Variants in SGMS1 observed in about 807,000 individuals in gnomAD.
The protein encoded by SGMS1 is phosphatidylcholine:ceramide cholinephosphotransferase 1.
Under a neutral mutation model 46.2 loss-of-function variants are expected in SGMS1, and 13 were observed. That is an observed-to-expected ratio of 0.28 (90% CI 0.18 to 0.45). The LOEUF (loss-of-function observed/expected upper bound fraction) is 0.45. SGMS1 is among the 20% of genes least tolerant of loss of function. The pLI is 1.00. For synonymous variants in SGMS1, 203 were observed against 187.8 expected (o/e 1.08, Z -0.66); for missense variants, 324 against 519.9 (o/e 0.62, Z 3.66).
chr10:50,545,345 G>A (rs1398136756), intron 2 of SGMS1, among the ~76,000 whole-genome samples: 1 of 152,190 alleles, frequency 6.6e-6, no homozygotes, highest in Non-Finnish European at 1.5e-5. Context: ...CCAAGGCATT[G>A]GAAAGTAGTC....
chr10:50,318,833 T>A (rs1287049638), intron 8 of SGMS1, among the ~76,000 whole-genome samples: 1 of 152,170 alleles, frequency 6.6e-6, no homozygotes. Context: ...ACTCATCAAT[T>A]CCTATACTAG....
At chr10:50,395,188 G>A (rs1256177837) in intron 6 of SGMS1, among the ~76,000 whole-genome samples, 1 of 152,090 alleles carries the variant, frequency 6.6e-6, no homozygotes, top group Non-Finnish European at 1.5e-5. Context: ...ACACCTTCAT[G>A]GTCGCTGTTA....
chr10:50,326,785 C>G (rs1847539116), intron 8 of SGMS1, among the ~76,000 whole-genome samples: 1 of 152,100 alleles, frequency 6.6e-6, no homozygotes, highest in African/African-American at 2.4e-5. Flanking sequence ...TGGTTGAGGA[C>G]TGCAAGGAAA....
At chr10:50,543,831 C>T (rs1838076697) in intron 2 of SGMS1, among the ~76,000 whole-genome samples, 1 of 152,074 alleles carries the variant, frequency 6.6e-6, no homozygotes, top group Admixed American at 6.6e-5. Context: ...CAAATGTCTT[C>T]TATGTTTAGA....
At chr10:50,466,869 A>C (rs958786103) in intron 4 of SGMS1, 21 bp downstream of exon 4, 1 of 152,238 alleles carries the variant, frequency 6.6e-6, no homozygotes, top group African/African-American at 2.4e-5. Context: ...TAAAAGGTAA[A>C]TAATTTAAAA....
At chr10:50,565,842 C>T (rs1001514957) in intron 2 of SGMS1, among the ~76,000 whole-genome samples, 15 of 152,142 alleles carry the variant, frequency 9.9e-5, no homozygotes, top group Admixed American at 1.3e-4. Context: ...AGTGTGTGCC[C>T]GTGACGATCA....
chr10:50,588,421 G>A (rs1202367746), intron 2 of SGMS1, among the ~76,000 whole-genome samples: 1 of 152,182 alleles, frequency 6.6e-6, no homozygotes, highest in African/African-American at 2.4e-5. Flanking sequence ...CAGAACAGTC[G>A]ACAGCCATCT....
intron 2 of SGMS1, among the ~76,000 whole-genome samples, chr10:50,570,211 A>G (rs557022687): frequency 5.9e-5 from 9 of 152,314 alleles, no homozygotes; most frequent in East Asian, 1.9e-4. Context: ...TACTTGCAGA[A>G]AAAGCCACAC....
chr10:50,427,909 A>G (rs1326215242), intron 6 of SGMS1, among the ~76,000 whole-genome samples: 1 of 152,156 alleles, frequency 6.6e-6, no homozygotes, highest in Non-Finnish European at 1.5e-5. Context: ...GAAAGACAGC[A>G]GTGGAACAGT....
Position 50,334,001 on chromosome 10 carries a change from C to A in SGMS1, c.624-6679G>T, listed in dbSNP as rs1015553530. ...ATTGTATGAGGAATTTAAGTACTAG[C>A]CTGGAGCCAGAGAGTAAGTCAATGA... On this transcript the variant is annotated intron_variant, in intron 7 of 10. Coordinates refer to ENST00000361781, the MANE Select transcript of SGMS1 (RefSeq NM_147156.4). Among the ~76,000 whole-genome samples, 110 of 152,298 alleles carry A rather than the reference C, an allele frequency of 7.2e-4. 1 individual carries two copies. The highest frequency in any genetic ancestry group is 1.2e-4 in the Non-Finnish European group (8 of 68,024).
At chr10:50,446,527 C>A (rs1837016791) in intron 5 of SGMS1, among the ~76,000 whole-genome samples, 1 of 152,076 alleles carries the variant, frequency 6.6e-6, no homozygotes, top group Non-Finnish European at 1.5e-5. Context: ...AACTGTAGAC[C>A]ATCCAAATGT....
At chr10:50,531,512 C>A (rs906904678) in intron 2 of SGMS1, among the ~76,000 whole-genome samples, 23 of 152,212 alleles carry the variant, frequency 1.5e-4, no homozygotes, top group Non-Finnish European at 1.9e-4. Context: ...GGTCTGTTAG[C>A]ATGGTTAGTA....
chr10:50,438,039 G>A (rs1402289911), intron 5 of SGMS1, among the ~76,000 whole-genome samples: 1 of 152,172 alleles, frequency 6.6e-6, no homozygotes, highest in Admixed American at 6.5e-5. Flanking sequence ...AGGTCAGAAG[G>A]AAGGAAAAAA....
chr10:50,555,713 A>T (rs1179963718), intron 2 of SGMS1, among the ~76,000 whole-genome samples: 1 of 152,202 alleles, frequency 6.6e-6, no homozygotes, highest in Non-Finnish European at 1.5e-5. Flanking sequence ...CTCTATCTAA[A>T]GATATAAACT....
chr10:50,358,626 C>A, intron 6 of SGMS1, among the ~76,000 whole-genome samples: 1 of 152,152 alleles, frequency 6.6e-6, no homozygotes, highest in East Asian at 1.9e-4. Flanking sequence ...GAGGCAGAGG[C>A]TGCAGTAAGC....
At chr10:50,369,758 T>C (rs190405087) in intron 6 of SGMS1, among the ~76,000 whole-genome samples, 3 of 152,326 alleles carry the variant, frequency 2.0e-5, no homozygotes, top group East Asian at 1.9e-4. Context: ...CTCTTAAGTA[T>C]ATCATAAATC....
intron 2 of SGMS1, among the ~76,000 whole-genome samples, chr10:50,536,664 T>C (rs1838004792): frequency 6.6e-6 from 1 of 152,214 alleles, no homozygotes; most frequent in Non-Finnish European, 1.5e-5. Context: ...CTTCCAGGTC[T>C]CTCCTCCATG....
rs73330981 is a variant in SGMS1 at position 50,381,640 on chromosome 10, T to C, written c.-231-37295A>G. On this transcript the variant is annotated intron_variant, in intron 6 of 10. Transcript: ENST00000361781. ...ACAACAATATGAAAAATGATTAAAA[T>C]GGTAAGTTTTTGTGTATTTTGCCAG... 5.1e-3 allele frequency among the ~76,000 whole-genome samples: 772 copies of C among 152,272 alleles called. 2 individuals are homozygous for C. The highest frequency in any genetic ancestry group is 0.018 in the African/African-American group (745 of 41,546).
At chr10:50,499,917 C>T (rs1837647182) in intron 3 of SGMS1, among the ~76,000 whole-genome samples, 1 of 152,188 alleles carries the variant, frequency 6.6e-6, no homozygotes, top group African/African-American at 2.4e-5. Flanking sequence ...GCCTGTAATC[C>T]CAACACTTTG....
Sources: allele counts gnomAD v4.1 joint callset (sites outside exome capture counted in the v4.1 genomes callset), GRCh38; gene constraint gnomAD v4.1.1; transcripts MANE v1.5; gene names NCBI Gene and HGNC (gene_info 2026-07-23, HGNC 2026-07-21).